CSMD1: variants seen among roughly 807,000 people sequenced by gnomAD.
CSMD1 encodes the protein CUB and sushi domain-containing protein 1.
CSMD1 carries 213 observed loss-of-function variants against 417.5 expected under a neutral mutation model. That is an observed-to-expected ratio of 0.51 (90% CI 0.46 to 0.57). The LOEUF (loss-of-function observed/expected upper bound fraction) is 0.57. Among genes scored for constraint, CSMD1 ranks in the 20% least tolerant of loss-of-function variants. CSMD1 has a pLI of 0.00. For synonymous variants in CSMD1, 2,862 were observed against 1,736.8 expected (o/e 1.65, Z -16.11); for missense variants, 6,923 against 4,529.7 (o/e 1.53, Z -15.17).
intron 10 of CSMD1, among the ~76,000 whole-genome samples, chr8:3,551,594 ATATTTTTTTT>A (rs1264340239): frequency 6.0e-4 from 62 of 103,742 alleles, no homozygotes; most frequent in African/African-American, 2.3e-3. Flanking sequence ...ATATATATAT[ATATTTTTTTT>A]TTTTTTTTTT....
intron 3 of CSMD1, among the ~76,000 whole-genome samples, chr8:4,314,384 G>C (rs1039114670): frequency 3.9e-5 from 6 of 152,220 alleles, no homozygotes; most frequent in African/African-American, 1.2e-4. Context: ...GTCAGGGCCA[G>C]AGTTCACAGG....
chr8:4,855,134 G>A (rs573159064), intron 1 of CSMD1, among the ~76,000 whole-genome samples: 102 of 151,552 alleles, frequency 6.7e-4, no homozygotes, highest in South Asian at 3.2e-3. Flanking sequence ...TAACTGGGAG[G>A]CACCCCCCAG....
intron 5 of CSMD1, among the ~76,000 whole-genome samples, chr8:3,854,024 A>C (rs1333713005): frequency 1.4e-5 from 2 of 146,366 alleles, no homozygotes; most frequent in Admixed American, 1.4e-4. Flanking sequence ...AATATTATAA[A>C]TATATTAAAT....
Position 3,614,145 on chromosome 8 carries a change from C to A in CSMD1, c.1097+2565G>T, listed in dbSNP as rs759009117. 1.3e-5 allele frequency among the ~76,000 whole-genome samples: 2 copies of A among 151,984 alleles called. 1 individual carries two copies. Among genetic ancestry groups the A allele is most frequent in the Admixed American group, 1.3e-4 (2 of 15,238 alleles). ...ATGTGTATTTAAGAGAAAATTTAATCTTTCAAATCATCTTCCCAGGTGTTA... is the reference window on the plus strand; with the variant it reads ...ATGTGTATTTAAGAGAAAATTTAATATTTCAAATCATCTTCCCAGGTGTTA... On this transcript the variant is annotated intron_variant, in intron 8 of 69. Transcript: ENST00000635120.
At chr8:3,899,182 G>A (rs1396448658) in intron 5 of CSMD1, among the ~76,000 whole-genome samples, 1 of 152,178 alleles carries the variant, frequency 6.6e-6, no homozygotes, top group Admixed American at 6.5e-5. Context: ...TTACGGCCTA[G>A]GACAGGAGGC....
intron 3 of CSMD1, among the ~76,000 whole-genome samples, chr8:4,290,376 C>G (rs1211146113): frequency 6.6e-6 from 1 of 152,102 alleles, no homozygotes; most frequent in Non-Finnish European, 1.5e-5. Context: ...GAGAGAAGCC[C>G]AAAGACGTAG....
chr8:4,788,299 G>C, intron 1 of CSMD1: 1 of 1,584,396 alleles, frequency 6.3e-7, no homozygotes, highest in Non-Finnish European at 8.6e-7. Flanking sequence ...GCAGTGGCAG[G>C]CAGAAGTAAT....
At chr8:3,619,596 G>C (rs1009422614) in intron 7 of CSMD1, among the ~76,000 whole-genome samples, 1 of 152,074 alleles carries the variant, frequency 6.6e-6, no homozygotes, top group African/African-American at 2.4e-5. Context: ...AATTCAAGGA[G>C]ATTAATGAAC....
At chr8:3,364,935 T>C (rs1376760189) in intron 20 of CSMD1, among the ~76,000 whole-genome samples, 3 of 152,206 alleles carry the variant, frequency 2.0e-5, no homozygotes, top group Non-Finnish European at 4.4e-5. Flanking sequence ...AAGAAACTGA[T>C]GCAGTAAAAT....
chr8:3,671,543 ATG>A (rs1455446646), intron 7 of CSMD1, among the ~76,000 whole-genome samples: 5,364 of 12,340 alleles, frequency 0.43, 1,005 homozygotes, highest in East Asian at 0.48. Context: ...ATATATATAT[ATG>A]ATCATATATA....
chr8:3,683,147 G>T (rs748100391), intron 7 of CSMD1, among the ~76,000 whole-genome samples: 1 of 151,778 alleles, frequency 6.6e-6, no homozygotes, highest in Non-Finnish European at 1.5e-5. Context: ...GTATACATAT[G>T]TAACAAACCT....
chr8:3,143,114 C>T lies in CSMD1; in HGVS notation c.6032-440G>A, dbSNP rs1374485396. On this transcript the variant is annotated intron_variant, in intron 40 of 69. Transcript: ENST00000635120. Reference sequence around the variant, plus strand: ...CTTTATCAAGGAAAAACAACAACAACAACAACAATTTTGGTTTTAAAACAT... The same window carrying T: ...CTTTATCAAGGAAAAACAACAACAATAACAACAATTTTGGTTTTAAAACAT... Among the ~76,000 whole-genome samples, 3 of 152,296 alleles carry T rather than the reference C, an allele frequency of 2.0e-5. No homozygotes were observed. In the South Asian group the frequency reaches 6.2e-4, roughly 32 times the overall value.
chr8:4,316,086 AT>A (rs1388817626), intron 3 of CSMD1, among the ~76,000 whole-genome samples: 2 of 152,206 alleles, frequency 1.3e-5, no homozygotes, highest in African/African-American at 4.8e-5. Context: ...AAAATGGGTT[AT>A]TAAAAGCCAA....
chr8:4,609,765 C>T (rs1801067990), intron 2 of CSMD1, among the ~76,000 whole-genome samples: 1 of 152,080 alleles, frequency 6.6e-6, no homozygotes, highest in Non-Finnish European at 1.5e-5. Flanking sequence ...GGATGAAGTA[C>T]TGAAACAGGA....
At chr8:4,332,636 C>A (rs548148125) in intron 3 of CSMD1, among the ~76,000 whole-genome samples, 1 of 150,848 alleles carries the variant, frequency 6.6e-6, no homozygotes, top group South Asian at 2.1e-4. Context: ...TTCAGATACA[C>A]AGACATGCAG....
intron 18 of CSMD1, among the ~76,000 whole-genome samples, chr8:3,374,893 G>C (rs1376331775): frequency 4.6e-5 from 7 of 152,182 alleles, no homozygotes; most frequent in Non-Finnish European, 1.0e-4. Flanking sequence ...AGTTTGCAGA[G>C]TCAGTTATTG....
At chr8:4,291,288 A>T (rs1324279547) in intron 3 of CSMD1, among the ~76,000 whole-genome samples, 1 of 152,130 alleles carries the variant, frequency 6.6e-6, no homozygotes, top group Non-Finnish European at 1.5e-5. Flanking sequence ...ATATGGATTA[A>T]AAGTCAAGAT....
At chr8:3,288,753 C>A (rs1301561790) in intron 25 of CSMD1, among the ~76,000 whole-genome samples, 1 of 146,532 alleles carries the variant, frequency 6.8e-6, no homozygotes, top group African/African-American at 2.7e-5. Context: ...AAAACCAGCT[C>A]CTGGATTCAT....
chr8:4,290,473 G>T (rs746655361), intron 3 of CSMD1, among the ~76,000 whole-genome samples: 1 of 152,110 alleles, frequency 6.6e-6, no homozygotes, highest in Non-Finnish European at 1.5e-5. Flanking sequence ...CAAGGGTCAG[G>T]GACACTGCAT....
Sources: allele counts gnomAD v4.1 joint callset (sites outside exome capture counted in the v4.1 genomes callset), GRCh38; gene constraint gnomAD v4.1.1; transcripts MANE v1.5; gene names NCBI Gene and HGNC (gene_info 2026-07-23, HGNC 2026-07-21).